Variants in MRPL50 observed in about 807,000 individuals in gnomAD.
The protein encoded by MRPL50 is large ribosomal subunit protein mL50.
A neutral mutation model predicts 16.2 loss-of-function variants in MRPL50; 10 were observed. That is an observed-to-expected ratio of 0.62 (90% CI 0.38 to 1.05). The LOEUF (loss-of-function observed/expected upper bound fraction) is 1.05. Ranked by LOEUF, MRPL50 falls within the 50% of genes least tolerant of loss-of-function variation. The pLI, the probability that MRPL50 is intolerant of heterozygous loss-of-function variation, is 0.01. For synonymous variants in MRPL50, 68 were observed against 66.8 expected (o/e 1.02, Z -0.09); for missense variants, 213 against 187.1 (o/e 1.14, Z -0.81).
rs368877363 is a variant in MRPL50, at chr9:101,390,576, C to A, written c.367G>T (p.Val123Phe). 78 of 1,613,310 alleles carry A rather than the reference C, an allele frequency of 4.8e-5. No homozygotes were observed. Among genetic ancestry groups the A allele is most frequent in the Non-Finnish European group, 6.0e-5 (71 of 1,179,540 alleles). ...TTATAGAAATCAAGAACATCTCTAA[C>A]CCTGCACATCTGGTGGAGTCTGGAG... ...PNSRLHQMCR[V>F]RDVLDFYNVP... The change falls in exon 2 of 2, where the codon GTT becomes TTT. Residue 123 changes from valine (V) to phenylalanine (F), a missense_variant. Coordinates refer to ENST00000374865, the MANE Select transcript of MRPL50 (RefSeq NM_019051.3).
Position 101,389,093 on chromosome 9 carries a change from A to G in MRPL50, c.*1373T>C, listed in dbSNP as rs960582331. ...GCTATTTACATAGCTACATATTTAC[A>G]TAACTTTAAAATTTACATATTTACA... On this transcript the variant is annotated 3_prime_UTR_variant, in exon 2 of 2. Transcript: ENST00000374865. 2.0e-5 allele frequency: 3 copies of G among 153,336 alleles called. No homozygotes were observed. The highest frequency in any genetic ancestry group is 4.8e-5 in the African/African-American group (2 of 41,442). 9.5% of individuals were successfully genotyped at this position (153,336 alleles called of 1,614,324 possible).
rs1001251301 is a variant in MRPL50, at chr9:101,390,127, G to A, written c.*339C>T. ...TCTTAGATATGAATCCTAACAGGAT[G>A]AAAATACTTTCTTGCAACTACTTTA... On this transcript the variant is annotated 3_prime_UTR_variant, in exon 2 of 2. Coordinates refer to ENST00000374865, the MANE Select transcript of MRPL50 (RefSeq NM_019051.3). 7.7e-6 allele frequency: 8 copies of A among 1,034,284 alleles called. No individual in the cohort carries two copies. Among genetic ancestry groups the A allele is most frequent in the African/African-American group, 1.7e-5 (1 of 58,108 alleles). The allele number at this position is 1,034,284 out of a possible 1,614,324, so 64.1% of individuals were successfully genotyped here.
At chr9:101,397,118 A>G (rs1048067197) in intron 1 of MRPL50, among the ~76,000 whole-genome samples, 3 of 152,182 alleles carry the variant, frequency 2.0e-5, no homozygotes, top group Non-Finnish European at 4.4e-5. Flanking sequence ...TGTACTGTAT[A>G]CTTGAAATCT....
At chr9:101,392,884 C>A (rs1830291062) in intron 1 of MRPL50, among the ~76,000 whole-genome samples, 1 of 151,984 alleles carries the variant, frequency 6.6e-6, no homozygotes, top group Non-Finnish European at 1.5e-5. Context: ...ATACCAAAAT[C>A]AGACAAAGAC....
chr9:101,390,235 A>G lies in MRPL50; in HGVS notation c.*231T>C. The G allele has an allele frequency of 8.1e-7, 1 of 1,229,274 alleles. No individual in the cohort carries two copies. Among genetic ancestry groups the G allele is most frequent in the South Asian group, 2.6e-5 (1 of 38,876 alleles). 76.1% of individuals were successfully genotyped at this position (1,229,274 alleles called of 1,614,324 possible). A position where few individuals can be genotyped will look rare whatever the true frequency, so the allele number is the denominator to read the frequency against. The stretch of plus-strand genomic sequence containing the variant: ...GCCCTCTCAAAACTTTTCATAAATA[A>G]TGACCTAATTTCATTTAAAAAATGG... On this transcript the variant is annotated 3_prime_UTR_variant, in exon 2 of 2. Transcript: ENST00000374865.
Position 101,389,679 on chromosome 9 carries a change from TAAGTA to T in MRPL50, c.*782_*786del. The T allele has an allele frequency of 3.3e-6, 1 of 300,390 alleles. No individual in the cohort carries two copies. The highest frequency in any genetic ancestry group is 6.2e-6 in the Non-Finnish European group (1 of 162,530). The allele number at this position is 300,390 out of a possible 1,614,324, so 18.6% of individuals were successfully genotyped here. On this transcript the variant is annotated 3_prime_UTR_variant, in exon 2 of 2. Coordinates refer to ENST00000374865, the MANE Select transcript of MRPL50 (RefSeq NM_019051.3). ...CAGAACCATCTGATAACCTGCTATT[TAAGTA>T]ATTTCCACAAATTGAGTGCATTAAA...
chr9:101,390,825 C>T lies in MRPL50; in HGVS notation c.118G>A (p.Glu40Lys), dbSNP rs774825579. The T allele has an allele frequency of 1.7e-5, 28 of 1,601,808 alleles. No individual in the cohort carries two copies. The highest frequency in any genetic ancestry group is 2.2e-5 in the Non-Finnish European group (26 of 1,175,820). The change falls in exon 2 of 2, where the codon GAG becomes AAG. Residue 40 changes from glutamate to lysine, a missense_variant. Glu to Lys is a moderately conservative substitution (Grantham distance 56). Transcript: ENST00000374865. ...FRKEKEPVVV[E>K]TVEEKKEPIL... is the part of the protein sequence containing the mutation. ...GGTTCCTTTTTCTCTTCTACTGTCTCAACAACCACTGGCTCTTTCTCTTTT... is the reference window on the plus strand; with the variant it reads ...GGTTCCTTTTTCTCTTCTACTGTCTTAACAACCACTGGCTCTTTCTCTTTT...
chr9:101,394,296 G>A (rs1406841988), intron 1 of MRPL50, among the ~76,000 whole-genome samples: 1 of 152,140 alleles, frequency 6.6e-6, no homozygotes, highest in Non-Finnish European at 1.5e-5. Flanking sequence ...GGATAACACT[G>A]CTATTGTAAA....
chr9:101,391,917 C>T (rs1261936198), intron 1 of MRPL50, among the ~76,000 whole-genome samples: 1 of 152,008 alleles, frequency 6.6e-6, no homozygotes, highest in East Asian at 1.9e-4. Context: ...TAGACTGTAT[C>T]ATAGAACACA....
At chr9:101,397,874 A>G (rs1177144396) in intron 1 of MRPL50, among the ~76,000 whole-genome samples, 1 of 152,236 alleles carries the variant, frequency 6.6e-6, no homozygotes, top group African/African-American at 2.4e-5. Flanking sequence ...GTGCAGCAGA[A>G]AAAGCAGTAG....
At chr9:101,396,985 G>T (rs952643203) in intron 1 of MRPL50, among the ~76,000 whole-genome samples, 5 of 152,048 alleles carry the variant, frequency 3.3e-5, no homozygotes, top group African/African-American at 1.2e-4. Context: ...ACAGAGAGTA[G>T]GATGGTGGCT....
chr9:101,390,025 A>G lies in MRPL50; in HGVS notation c.*441T>C, dbSNP rs1480998610. 4 of 935,042 alleles carry G rather than the reference A, an allele frequency of 4.3e-6. No individual in the cohort carries two copies. In the African/African-American group the frequency reaches 7.1e-5, roughly 17 times the overall value. 57.9% of individuals were successfully genotyped at this position (935,042 alleles called of 1,614,324 possible). A position where few individuals can be genotyped will look rare whatever the true frequency, so the allele number is the denominator to read the frequency against. On this transcript the variant is annotated 3_prime_UTR_variant, in exon 2 of 2. Transcript: ENST00000374865. ...ATTAATCTAGAACTGTCAGTAATAC[A>G]CAACATACTTTTATGTTTCTTTTAT...
rs773569485 is a variant in MRPL50 at position 101,398,610 on chromosome 9, G to T, written c.-18C>A. ...GCCGCCATCTTCGATGAGATCCACG[G>T]GCCTGAGCGCAGCCTTCAGCCAGCA... On this transcript the variant is annotated 5_prime_UTR_variant, in exon 1 of 2. Coordinates refer to ENST00000374865, the MANE Select transcript of MRPL50 (RefSeq NM_019051.3). 1.2e-5 allele frequency: 20 copies of T among 1,611,936 alleles called. No homozygotes were observed. The highest frequency in any genetic ancestry group is 3.3e-5 in the South Asian group (3 of 91,040).
chr9:101,390,896 C>T, intron 1 of MRPL50, 46 bp from the exon 2 acceptor site: 4 of 1,535,382 alleles, frequency 2.6e-6, no homozygotes, highest in Non-Finnish European at 3.5e-6. Flanking sequence ...ATGAAGTTGA[C>T]AAACACCAGA....
rs959713051 is a variant in MRPL50, at chr9:101,390,136, T to G, written c.*330A>C. On this transcript the variant is annotated 3_prime_UTR_variant, in exon 2 of 2. Coordinates refer to ENST00000374865, the MANE Select transcript of MRPL50 (RefSeq NM_019051.3). ...TGAATCCTAACAGGATGAAAATACT[T>G]TCTTGCAACTACTTTATGCTTATGA... The G allele has an allele frequency of 9.6e-7, 1 of 1,040,834 alleles. No individual in the cohort carries two copies. The highest frequency in any genetic ancestry group is 3.8e-5 in the South Asian group (1 of 26,076). The allele number at this position is 1,040,834 out of a possible 1,614,324, so 64.5% of individuals were successfully genotyped here.
intron 1 of MRPL50, among the ~76,000 whole-genome samples, chr9:101,397,794 C>T (rs1830378620): frequency 6.6e-6 from 1 of 152,192 alleles, no homozygotes; most frequent in South Asian, 2.1e-4. Context: ...TCCTACCATA[C>T]GTTTTGATTT....
Position 101,390,448 on chromosome 9 carries a change from G to C in MRPL50, c.*18C>G, listed in dbSNP as rs146115634. The C allele has an allele frequency of 7.6e-4, 1,208 of 1,596,800 alleles. 5 individuals are homozygous for C. The highest frequency in any genetic ancestry group is 8.7e-4 in the South Asian group (76 of 87,678). ...CAGGGAAAGACAGTGATTTCAATGT[G>C]TTTCTCTTCCGAATTGCTTAGTAAC... On this transcript the variant is annotated 3_prime_UTR_variant, in exon 2 of 2. Transcript: ENST00000374865.
intron 1 of MRPL50, among the ~76,000 whole-genome samples, chr9:101,392,804 CCT>C (rs1250303511): frequency 1.3e-5 from 2 of 151,904 alleles, no homozygotes; most frequent in African/African-American, 4.8e-5. Flanking sequence ...CCAGCATTAC[CCT>C]GAGGCCAAAA....
At position 101,388,190 on chromosome 9, in the gene MRPL50, A is replaced by C. The variant is rs1830225263; in HGVS notation, c.*2276T>G. 1 of 152,106 alleles carries C rather than the reference A, an allele frequency of 6.6e-6. No homozygotes were observed. The highest frequency in any genetic ancestry group is 1.5e-5 in the Non-Finnish European group (1 of 67,984). The allele number at this position is 152,106 out of a possible 1,614,324, so 9.4% of individuals were successfully genotyped here. ...GAATTTGCATTTTTAAAAGATCCCCACATGAAAAAATGAATAAAAGATCCC... is the reference window on the plus strand; with the variant it reads ...GAATTTGCATTTTTAAAAGATCCCCCCATGAAAAAATGAATAAAAGATCCC... On this transcript the variant is annotated 3_prime_UTR_variant, in exon 2 of 2. Coordinates refer to ENST00000374865, the MANE Select transcript of MRPL50 (RefSeq NM_019051.3).
Sources: allele counts gnomAD v4.1 joint callset (sites outside exome capture counted in the v4.1 genomes callset), GRCh38; gene constraint gnomAD v4.1.1; transcripts MANE v1.5; gene names NCBI Gene and HGNC (gene_info 2026-07-23, HGNC 2026-07-21).